TDRD3: variants seen among roughly 807,000 people sequenced by gnomAD.
TDRD3 encodes the protein tudor domain-containing protein 3.
A neutral mutation model predicts 86.7 loss-of-function variants in TDRD3; 45 were observed. That is an observed-to-expected ratio of 0.52 (90% CI 0.41 to 0.67). TDRD3 has a LOEUF of 0.67. Among genes scored for constraint, TDRD3 ranks in the 30% least tolerant of loss-of-function variants. The pLI is 0.00. For synonymous variants in TDRD3, 298 were observed against 301.7 expected (o/e 0.99, Z 0.13); for missense variants, 814 against 889.0 (o/e 0.92, Z 1.07).
chr13:60,465,778 T>C (rs974898216), intron 4 of TDRD3, among the ~76,000 whole-genome samples: 7 of 152,290 alleles, frequency 4.6e-5, no homozygotes, highest in Non-Finnish European at 8.8e-5. Context: ...GTGAATTTTA[T>C]GAGGTTTTAA....
At chr13:60,550,818 T>C (rs898234840) in intron 12 of TDRD3, among the ~76,000 whole-genome samples, 4 of 152,178 alleles carry the variant, frequency 2.6e-5, no homozygotes, top group Admixed American at 6.5e-5. Context: ...AATAAAACTT[T>C]ACATTTGTGA....
chr13:60,526,312 T>C (rs918431034), intron 10 of TDRD3, among the ~76,000 whole-genome samples: 18 of 152,166 alleles, frequency 1.2e-4, no homozygotes, highest in Admixed American at 6.5e-5. Flanking sequence ...CTATTGATAA[T>C]GTATATAAAG....
At chr13:60,521,247 G>A (rs548707624) in intron 10 of TDRD3, among the ~76,000 whole-genome samples, 1 of 152,270 alleles carries the variant, frequency 6.6e-6, no homozygotes, top group East Asian at 1.9e-4. Context: ...CTAAGCCCAG[G>A]TAATGGTGTT....
intron 8 of TDRD3, among the ~76,000 whole-genome samples, chr13:60,503,690 G>C (rs1956879670): frequency 6.6e-6 from 1 of 152,196 alleles, no homozygotes. Flanking sequence ...GCTGCTAAAT[G>C]TTGGAGGACT....
intron 3 of TDRD3, among the ~76,000 whole-genome samples, chr13:60,455,820 C>A (rs978304557): frequency 6.6e-6 from 1 of 152,056 alleles, no homozygotes; most frequent in African/African-American, 2.4e-5. Flanking sequence ...GTAATCCCAG[C>A]ACTTTAGAAG....
intron 8 of TDRD3, among the ~76,000 whole-genome samples, chr13:60,507,984 C>A (rs1956974851): frequency 6.6e-6 from 1 of 152,118 alleles, no homozygotes; most frequent in African/African-American, 2.4e-5. Flanking sequence ...TGGTCATATA[C>A]AAACAGAGAG....
At chr13:60,462,016 A>G (rs529291106) in intron 4 of TDRD3, among the ~76,000 whole-genome samples, 1 of 152,056 alleles carries the variant, frequency 6.6e-6, no homozygotes, top group African/African-American at 2.4e-5. Flanking sequence ...TTCTTCTTTC[A>G]TCTGGTGTCT....
At chr13:60,487,376 A>G (rs933594202) in intron 7 of TDRD3, among the ~76,000 whole-genome samples, 2 of 152,076 alleles carry the variant, frequency 1.3e-5, no homozygotes, top group Non-Finnish European at 2.9e-5. Flanking sequence ...CTCAAGAGGC[A>G]GAGGCAAGAG....
intron 13 of TDRD3, among the ~76,000 whole-genome samples, chr13:60,568,583 G>T (rs1193376914): frequency 6.6e-6 from 1 of 152,168 alleles, no homozygotes; most frequent in Non-Finnish European, 1.5e-5. Flanking sequence ...TGAAAACTGA[G>T]AATTCTCTCT....
intron 3 of TDRD3, among the ~76,000 whole-genome samples, chr13:60,459,609 G>GA (rs1955761729): frequency 6.6e-6 from 1 of 152,130 alleles, no homozygotes; most frequent in African/African-American, 2.4e-5. Flanking sequence ...TGATGTCTCT[G>GA]AACAGAAAAC....
intron 12 of TDRD3, among the ~76,000 whole-genome samples, chr13:60,552,564 G>A (rs1218798569): frequency 6.6e-6 from 1 of 152,222 alleles, no homozygotes; most frequent in Non-Finnish European, 1.5e-5. Context: ...GAGGATGGTG[G>A]CCCTTCTCTC....
At chr13:60,467,660 T>C (rs1310416510) in intron 5 of TDRD3, among the ~76,000 whole-genome samples, 1 of 152,210 alleles carries the variant, frequency 6.6e-6, no homozygotes, top group African/African-American at 2.4e-5. Context: ...TACAATTTAT[T>C]TGTGTATAAT....
intron 5 of TDRD3, among the ~76,000 whole-genome samples, chr13:60,477,860 T>A (rs1352963926): frequency 6.6e-6 from 1 of 152,192 alleles, no homozygotes; most frequent in African/African-American, 2.4e-5. Flanking sequence ...TGCCAGATTT[T>A]GACATCAGGA....
In TDRD3 at chr13:60,420,817, G is replaced by A. The variant is rs184316874; in HGVS notation, c.42-18871G>A. 4.4e-3 allele frequency among the ~76,000 whole-genome samples: 668 copies of A among 152,170 alleles called. 8 individuals are homozygous for A. Among genetic ancestry groups the A allele is most frequent in the African/African-American group, 0.014 (578 of 41,532 alleles). On this transcript the variant is annotated intron_variant, in intron 1 of 13. Coordinates refer to ENST00000377881, the MANE Select transcript of TDRD3 (RefSeq NM_001146070.2). ...AAATTAGCCGGGCGTGATGGCGGGC[G>A]CCTGTAGTCCCAGCTACTCGGGAGG...
chr13:60,398,296 A>G (rs1953997191), intron 1 of TDRD3, among the ~76,000 whole-genome samples: 2 of 152,170 alleles, frequency 1.3e-5, no homozygotes, highest in Non-Finnish European at 2.9e-5. Flanking sequence ...GTGAGGCATT[A>G]AAAGACCAAA....
intron 10 of TDRD3, among the ~76,000 whole-genome samples, chr13:60,511,190 A>AT (rs1219276752): frequency 1.3e-5 from 2 of 152,200 alleles, no homozygotes; most frequent in African/African-American, 4.8e-5. Flanking sequence ...TACTTTAGTG[A>AT]TTACTATATT....
At position 60,467,306 on chromosome 13, in the gene TDRD3, T is replaced by C; in HGVS notation, c.422T>C (p.Leu141Pro). The C allele has an allele frequency of 6.2e-7, 1 of 1,613,986 alleles. No homozygotes were observed. Among genetic ancestry groups the C allele is most frequent in the Non-Finnish European group, 8.5e-7 (1 of 1,179,890 alleles). ...GTTGACATAAAAAATGGATTCCTGC[T>C]CTTGAATGACTCTAACACCACAGTT... ...GIVDIKNGFLLLNDSNTTVLG... is the reference protein window; with the variant it reads ...GIVDIKNGFLPLNDSNTTVLG... Residue 141 changes from leucine to proline, a missense_variant, in exon 5 of 14, where the codon CTC becomes CCC. By Grantham distance (98) the Leu-to-Pro change is moderately conservative. Transcript: ENST00000377881.
intron 1 of TDRD3, among the ~76,000 whole-genome samples, chr13:60,425,530 A>G (rs1432054237): frequency 6.6e-6 from 1 of 152,200 alleles, no homozygotes; most frequent in Non-Finnish European, 1.5e-5. Flanking sequence ...AGAAGATGAA[A>G]TCACTACCTC....
intron 13 of TDRD3, among the ~76,000 whole-genome samples, chr13:60,572,576 T>C (rs1958609820): frequency 6.6e-6 from 1 of 152,152 alleles, no homozygotes. Context: ...AGCAGGAAGC[T>C]CCTGCTGCCA....
Sources: allele counts gnomAD v4.1 joint callset (sites outside exome capture counted in the v4.1 genomes callset), GRCh38; gene constraint gnomAD v4.1.1; transcripts MANE v1.5; gene names NCBI Gene and HGNC (gene_info 2026-07-23, HGNC 2026-07-21).